Variants in RNF157 observed in about 807,000 individuals in gnomAD.
RNF157 encodes E3 ubiquitin ligase RNF157.
In RNF157, 55 loss-of-function variants were observed where a neutral mutation model predicts 88.3. The observed-to-expected ratio is 0.62, with a 90% CI of 0.50 to 0.78. The LOEUF (loss-of-function observed/expected upper bound fraction) is 0.78, where lower values mean the gene tolerates loss of function less well. RNF157 is among the 30% of genes least tolerant of loss of function. The probability of loss-of-function intolerance (pLI) is 0.00; values close to 1 mark genes in which losing one functional copy is unlikely to be tolerated. For missense variants in RNF157, 788 were observed against 860.8 expected (o/e 0.92, Z 1.06); for synonymous variants, 334 against 341.2 (o/e 0.98, Z 0.23).
At position 76,240,168 on chromosome 17, in the gene RNF157, A is replaced by G; in HGVS notation, c.73T>C (p.Tyr25His). 1 of 1,377,346 alleles carries G rather than the reference A, an allele frequency of 7.3e-7. No homozygotes were observed. The highest frequency in any genetic ancestry group is 1.9e-5 in the South Asian group (1 of 52,688). The allele number at this position is 1,377,346 out of a possible 1,614,324, so 85.3% of individuals were successfully genotyped here. The stretch of plus-strand genomic sequence containing the variant: ...CCGCCCTCACCGGACTTGGGCGGGT[A>G]GCGGTACACGGAATTAGACGGGATG... ...VDIPSNSVYR[Y>H]PPKSGSYFAS... The change falls in exon 1 of 19, where the codon TAC (tyrosine) becomes CAC (histidine). Residue 25 changes from tyrosine (Y) to histidine (H), a missense_variant. Coordinates refer to ENST00000269391, the MANE Select transcript of RNF157 (RefSeq NM_052916.3). This position sits in a 1 kb window ranked among gnomAD's most constrained non-coding sequence, Gnocchi z 4.4.
intron 18 of RNF157, among the ~76,000 whole-genome samples, chr17:76,148,887 A>G (rs1267589151): frequency 6.6e-6 from 1 of 152,048 alleles, no homozygotes; most frequent in Non-Finnish European, 1.5e-5. Context: ...GCCTTTTTCC[A>G]TCACTGACTA....
chr17:76,207,993 G>A (rs2069711021), intron 2 of RNF157, among the ~76,000 whole-genome samples: 1 of 151,984 alleles, frequency 6.6e-6, no homozygotes, highest in Non-Finnish European at 1.5e-5. Context: ...ATAGCTCACT[G>A]AAGCCTTGGC....
intron 6 of RNF157, 88 bp downstream of exon 6, chr17:76,166,373 G>T: frequency 1.9e-6 from 2 of 1,042,428 alleles, no homozygotes; most frequent in Non-Finnish European, 3.0e-6. Context: ...CACAAAGAAG[G>T]CATGTTGTTC....
rs1484372710 is a variant in RNF157 at position 76,146,799 on chromosome 17, G to T, written c.1922-1446C>A. On this transcript the variant is annotated intron_variant, in intron 18 of 18. Coordinates refer to ENST00000269391, the MANE Select transcript of RNF157 (RefSeq NM_052916.3). The surrounding 1 kb of genome is among the most constrained non-coding windows in gnomAD (Gnocchi z 4.2). ...CAGCACAACACCTGACCCATAGGAGGACCTGTTCAGCGGACAAGGCCGACC... is the reference window on the plus strand; with the variant it reads ...CAGCACAACACCTGACCCATAGGAGTACCTGTTCAGCGGACAAGGCCGACC... The T allele has an allele frequency of 2.0e-6, 2 of 985,406 alleles. No individual in the cohort carries two copies. Among genetic ancestry groups the T allele is most frequent in the Non-Finnish European group, 2.4e-6 (2 of 829,876 alleles). 61.0% of individuals were successfully genotyped at this position (985,406 alleles called of 1,614,324 possible). A position where few individuals can be genotyped will look rare whatever the true frequency, so the allele number is the denominator to read the frequency against.
intron 3 of RNF157, 85 bp from the exon 4 acceptor site, chr17:76,167,882 G>A: frequency 2.3e-6 from 3 of 1,307,568 alleles, no homozygotes; most frequent in Non-Finnish European, 3.2e-6. Context: ...ATATATTGTG[G>A]GCTTCTCTGA....
chr17:76,204,059 G>A (rs1034823782), intron 2 of RNF157, among the ~76,000 whole-genome samples: 8 of 152,038 alleles, frequency 5.3e-5, no homozygotes, highest in East Asian at 1.9e-4. Context: ...GAGCCACCGC[G>A]CCCAGCCCAT....
At chr17:76,183,771 T>C (rs2069236247) in intron 2 of RNF157, among the ~76,000 whole-genome samples, 1 of 152,054 alleles carries the variant, frequency 6.6e-6, no homozygotes, top group Non-Finnish European at 1.5e-5. Context: ...TGTTTAATTA[T>C]AAATTATGTA....
intron 2 of RNF157, among the ~76,000 whole-genome samples, chr17:76,193,161 A>G (rs931275415): frequency 6.6e-6 from 1 of 152,134 alleles, no homozygotes; most frequent in African/African-American, 2.4e-5. Flanking sequence ...ATAACTTAAC[A>G]TCTCTGAGCA....
intron 9 of RNF157, chr17:76,162,254 C>G (rs903262997): frequency 4.9e-5 from 28 of 576,250 alleles, no homozygotes; most frequent in Middle Eastern, 4.5e-4. Flanking sequence ...AGCTGGGCCT[C>G]TCAAATCTCA....
chr17:76,212,516 C>A, intron 1 of RNF157, 34 bp from the exon 2 acceptor site: 1 of 1,330,844 alleles, frequency 7.5e-7, no homozygotes, highest in Non-Finnish European at 1.1e-6. Context: ...ATCAAACAAG[C>A]AGAAAACAGT....
Position 76,156,192 on chromosome 17 carries a change from TC to T in RNF157, c.1525+17del. 6.3e-7 allele frequency: 1 copy of T among 1,593,998 alleles called. No homozygotes were observed. Among genetic ancestry groups the T allele is most frequent in the Non-Finnish European group, 8.6e-7 (1 of 1,161,948 alleles). On this transcript the variant is annotated intron_variant, in intron 14 of 18. Transcript: ENST00000269391. ...GTAAGGGGGAAGGACATGCAGCCAC[TC>T]CCCGCTCCTTATGTACCTTCTGGGG...
intron 3 of RNF157, 29 bp from the exon 4 acceptor site, chr17:76,167,826 G>A (rs768078055): frequency 6.3e-7 from 1 of 1,597,876 alleles, no homozygotes; most frequent in East Asian, 2.2e-5. Flanking sequence ...AGCATTTGCA[G>A]AGTAGCATAT....
chr17:76,157,349 G>A lies in RNF157; in HGVS notation c.1414-1028C>T, dbSNP rs150879466. 3.3e-5 allele frequency among the ~76,000 whole-genome samples: 5 copies of A among 152,304 alleles called. No individual in the cohort carries two copies. Among genetic ancestry groups the A allele is most frequent in the African/African-American group, 9.6e-5 (4 of 41,578 alleles). On this transcript the variant is annotated intron_variant, in intron 13 of 18. Transcript: ENST00000269391. This position sits in a 1 kb window ranked among gnomAD's most constrained non-coding sequence, Gnocchi z 5.6. ...CCGTCTAGTCCAGGCTGCACACTGCGGTCGGGTGGGCCTTTGGGGTGTGAA... is the reference window on the plus strand; with the variant it reads ...CCGTCTAGTCCAGGCTGCACACTGCAGTCGGGTGGGCCTTTGGGGTGTGAA...
At position 76,195,545 on chromosome 17, in the gene RNF157, T is replaced by C. The variant is rs1473977210; in HGVS notation, c.207+16819A>G. 6.6e-6 allele frequency among the ~76,000 whole-genome samples: 1 copy of C among 152,170 alleles called. No homozygotes were observed. Among genetic ancestry groups the C allele is most frequent in the African/African-American group, 2.4e-5 (1 of 41,440 alleles). The stretch of plus-strand genomic sequence containing the variant: ...TAGCCTTAACAGGTATGCATACATA[T>C]ACACAACAAAATACATGTAATAATA... On this transcript the variant is annotated intron_variant, in intron 2 of 18. Transcript: ENST00000269391. The surrounding 1 kb of genome is among the most constrained non-coding windows in gnomAD (Gnocchi z 4.4).
intron 2 of RNF157, among the ~76,000 whole-genome samples, chr17:76,184,802 T>G (rs1246258069): frequency 6.6e-6 from 1 of 152,212 alleles, no homozygotes; most frequent in Non-Finnish European, 1.5e-5. Flanking sequence ...GTCTTCAGAT[T>G]TGGCTATCAA....
intron 1 of RNF157, among the ~76,000 whole-genome samples, chr17:76,232,164 C>T (rs1471633464): frequency 1.3e-5 from 2 of 152,110 alleles, no homozygotes; most frequent in Non-Finnish European, 2.9e-5. Flanking sequence ...TGAAGGATGG[C>T]TCAAGACTAG....
chr17:76,169,142 T>C (rs1245821306), intron 3 of RNF157, among the ~76,000 whole-genome samples: 5 of 152,250 alleles, frequency 3.3e-5, no homozygotes. Flanking sequence ...GTTAGTTGGA[T>C]GTCAGACCTT....
At chr17:76,209,594 T>C (rs766123438) in intron 2 of RNF157, among the ~76,000 whole-genome samples, 2 of 152,054 alleles carry the variant, frequency 1.3e-5, no homozygotes, top group Non-Finnish European at 2.9e-5. Context: ...ACCCAAAAGA[T>C]TGGACATCCC....
chr17:76,227,484 T>C lies in RNF157; in HGVS notation c.88+12669A>G, dbSNP rs373711178. Among the ~76,000 whole-genome samples, 7 of 152,256 alleles carry C rather than the reference T, an allele frequency of 4.6e-5. No individual in the cohort carries two copies. In the East Asian group the frequency reaches 9.6e-4, roughly 21 times the overall value. The stretch of plus-strand genomic sequence containing the variant: ...TACTAGCAAGTACTACACGGGTTAT[T>C]CTTCACAACCCTTTGAAGATGTTGC... On this transcript the variant is annotated intron_variant, in intron 1 of 18. Transcript: ENST00000269391.
Sources: gnomAD v4.1 joint callset for allele counts (sites outside exome capture counted in the v4.1 genomes callset) on GRCh38, gnomAD v4.1.1 for gene constraint, Gnocchi (gnomAD v3.1) non-coding constraint, MANE v1.5 for transcripts, NCBI Gene and HGNC (gene_info 2026-07-23, HGNC 2026-07-21) for gene names.